GALNT11: variants seen among roughly 807,000 people sequenced by gnomAD.
GALNT11 encodes UDP-GalNAc:polypeptide N-acetylgalactosaminyltransferase 11.
A neutral mutation model predicts 72.7 loss-of-function variants in GALNT11; 47 were observed. The observed-to-expected ratio is 0.65, with a 90% CI of 0.51 to 0.82. The LOEUF (loss-of-function observed/expected upper bound fraction) is 0.82, where lower values mean the gene tolerates loss of function less well. GALNT11 is among the 40% of genes least tolerant of loss of function. GALNT11 has a pLI of 0.00. For missense variants in GALNT11, 677 were observed against 778.4 expected, an observed-to-expected ratio of 0.87 and a Z score of 1.55; for synonymous variants, 270 against 286.6, an observed-to-expected ratio of 0.94 and a Z score of 0.58.
chr7:152,110,471 G>A (rs1294434775), intron 6 of GALNT11, 57 bp from the exon 7 acceptor site: 2 of 1,210,954 alleles, frequency 1.7e-6, no homozygotes, highest in Non-Finnish European at 2.4e-6. Context: ...TTAAACAAAA[G>A]TAGTAGGTAA....
chr7:152,095,811 T>C (rs916063777), intron 2 of GALNT11, among the ~76,000 whole-genome samples: 1 of 152,198 alleles, frequency 6.6e-6, no homozygotes, highest in Admixed American at 6.5e-5. Flanking sequence ...AGTGAGAGAA[T>C]TGTAGATATT....
chr7:152,033,984 G>T (rs557841949), intron 1 of GALNT11, among the ~76,000 whole-genome samples: 30 of 152,286 alleles, frequency 2.0e-4, no homozygotes, highest in African/African-American at 7.2e-4. Flanking sequence ...GACCATGTAG[G>T]ACATCTGTGT....
chr7:152,107,259 A>C (rs918765400), intron 5 of GALNT11: 11 of 152,142 alleles, frequency 7.2e-5, no homozygotes, highest in Admixed American at 5.2e-4. Context: ...AAAAAAAAAA[A>C]ACCTCAGTTC....
chr7:152,034,980 AC>A (rs2082491275), intron 1 of GALNT11, among the ~76,000 whole-genome samples: 1 of 151,992 alleles, frequency 6.6e-6, no homozygotes, highest in Non-Finnish European at 1.5e-5. Flanking sequence ...TTGGGACTTT[AC>A]CCCTCCTGTA....
intron 1 of GALNT11, among the ~76,000 whole-genome samples, chr7:152,077,443 CT>C (rs2085054234): frequency 6.6e-6 from 1 of 151,956 alleles, no homozygotes; most frequent in African/African-American, 2.4e-5. Flanking sequence ...GAAACAAAAA[CT>C]GGAGTCTAGA....
At chr7:152,027,138 A>G (rs1345123971) in intron 1 of GALNT11, among the ~76,000 whole-genome samples, 1 of 152,100 alleles carries the variant, frequency 6.6e-6, no homozygotes, top group Non-Finnish European at 1.5e-5. Context: ...AATCCCAGCT[A>G]CTTGGGAGGC....
At chr7:152,076,541 T>C (rs183922608) in intron 1 of GALNT11, among the ~76,000 whole-genome samples, 1 of 152,334 alleles carries the variant, frequency 6.6e-6, no homozygotes, top group East Asian at 1.9e-4. Flanking sequence ...GTCAGAGTTG[T>C]GATTTTTCCA....
intron 1 of GALNT11, among the ~76,000 whole-genome samples, chr7:152,076,064 A>C (rs76789764): frequency 4.0e-5 from 1 of 25,252 alleles, no homozygotes; most frequent in Non-Finnish European, 1.1e-4. Flanking sequence ...TCCGTCTCAA[A>C]AAAAAAAAAA....
Position 152,094,578 on chromosome 7 carries a change from T to G in GALNT11, c.295+56T>G. 1 of 1,502,368 alleles carries G rather than the reference T, an allele frequency of 6.7e-7. No individual in the cohort carries two copies. The highest frequency in any genetic ancestry group is 2.3e-5 in the East Asian group (1 of 43,624). The allele number at this position is 1,502,368 out of a possible 1,614,324, so 93.1% of individuals were successfully genotyped here. A position where few individuals can be genotyped will look rare whatever the true frequency, so the allele number is the denominator to read the frequency against. On this transcript the variant is annotated intron_variant, in intron 2 of 11. Coordinates refer to ENST00000430044, the MANE Select transcript of GALNT11 (RefSeq NM_022087.4). This position sits in a 1 kb window ranked among gnomAD's most constrained non-coding sequence, Gnocchi z 4.3. ...TCAATGTATTTAATCACTGGAAGTT[T>G]GATTAATTAGTTAATTAGGAGATCA... is the stretch of plus-strand genomic sequence containing the variant.
chr7:152,054,060 T>A (rs1399863676), intron 1 of GALNT11, among the ~76,000 whole-genome samples: 3 of 152,172 alleles, frequency 2.0e-5, no homozygotes, highest in African/African-American at 7.2e-5. Flanking sequence ...ATATACTTGT[T>A]CCATTAATCT....
chr7:152,075,923 G>T (rs183137320), intron 1 of GALNT11, among the ~76,000 whole-genome samples: 2 of 151,824 alleles, frequency 1.3e-5, no homozygotes, highest in East Asian at 3.9e-4. Flanking sequence ...TTAGCTGGCC[G>T]TGGTGGCGGA....
chr7:152,069,984 C>CT (rs1379209362), intron 1 of GALNT11, among the ~76,000 whole-genome samples: 1 of 148,446 alleles, frequency 6.7e-6, no homozygotes. Context: ...TTTCTTTTTT[C>CT]TTTTTTCTTT....
At chr7:152,062,081 C>T (rs1227625836) in intron 1 of GALNT11, among the ~76,000 whole-genome samples, 6 of 152,140 alleles carry the variant, frequency 3.9e-5, no homozygotes, top group South Asian at 2.1e-4. Context: ...GCCATTTTCA[C>T]GATATTGATT....
At chr7:152,113,712 CTTTTTTTT>C (rs6150397) in intron 8 of GALNT11, among the ~76,000 whole-genome samples, 17 of 97,006 alleles carry the variant, frequency 1.8e-4, no homozygotes, top group Non-Finnish European at 2.6e-4. Context: ...AGTTGGCTTT[CTTTTTTTT>C]TTTTTTTTTT....
chr7:152,042,425 C>A (rs915010312), intron 1 of GALNT11, among the ~76,000 whole-genome samples: 1 of 152,140 alleles, frequency 6.6e-6, no homozygotes. Context: ...CTATGTGTCC[C>A]TTTTTTAATT....
rs2087784979 is a variant in GALNT11 at position 152,108,102 on chromosome 7, G to A, written c.777G>A (p.Leu259=). 1 of 1,614,042 alleles carries A rather than the reference G, an allele frequency of 6.2e-7. No individual in the cohort carries two copies. Reference sequence around the variant, plus strand: ...ATGTGATGTGGCTGCAGCCCTTGCTGGCCGCCATCCGTGAGGACCGGCACA... The same window carrying A: ...ATGTGATGTGGCTGCAGCCCTTGCTAGCCGCCATCCGTGAGGACCGGCACA... ...EVNVMWLQPL[L]AAIREDRHTV... The change falls in exon 6 of 12, where the codon CTG becomes CTA. Residue 259 remains leucine (L), a synonymous_variant. Transcript: ENST00000430044.
rs767183554 is a variant in GALNT11, at chr7:152,094,379, C to T, written c.152C>T (p.Ser51Phe). ...PVKGSGPHGPSPKKFYPRFTR... is the reference protein window; with the variant it reads ...PVKGSGPHGPFPKKFYPRFTR... ...AAGGGGTCTGGGCCCCACGGACCAT[C>T]TCCAAAAAAATTCTATCCCCGTTTC... The change falls in exon 2 of 12, where the codon TCT (serine) becomes TTT (phenylalanine). Residue 51 changes from serine to phenylalanine, a missense_variant. Transcript: ENST00000430044. The surrounding 1 kb of genome is among the most constrained non-coding windows in gnomAD (Gnocchi z 4.3). 6 of 1,614,168 alleles carry T rather than the reference C, an allele frequency of 3.7e-6. No homozygotes were observed. The highest frequency in any genetic ancestry group is 5.1e-6 in the Non-Finnish European group (6 of 1,180,042).
In GALNT11 at chr7:152,094,643, T is replaced by TG; in HGVS notation, c.295+121_295+122insG. Reference sequence around the variant, plus strand: ...TTTTTTCCCCACTGATTTATTTTGTTTGTGAACTACCTGAAGTTCTGTGGT... The same window carrying TG: ...TTTTTTCCCCACTGATTTATTTTGTTGTGTGAACTACCTGAAGTTCTGTGGT... On this transcript the variant is annotated intron_variant, in intron 2 of 11. Transcript: ENST00000430044. This position sits in a 1 kb window ranked among gnomAD's most constrained non-coding sequence, Gnocchi z 4.3. 13 of 1,152,364 alleles carry TG rather than the reference T, an allele frequency of 1.1e-5. No homozygotes were observed. The highest frequency in any genetic ancestry group is 1.4e-5 in the Non-Finnish European group (12 of 837,698). 71.4% of individuals were successfully genotyped at this position (1,152,364 alleles called of 1,614,324 possible).
At position 152,107,903 on chromosome 7, in the gene GALNT11, C is replaced by T. The variant is rs1001964158; in HGVS notation, c.713-135C>T. ...CCACCGGCAGTGAAGTGTAGTGGAGCAGTTAGGCCGTCTGGGGCTGGGAGG... is the reference window on the plus strand; with the variant it reads ...CCACCGGCAGTGAAGTGTAGTGGAGTAGTTAGGCCGTCTGGGGCTGGGAGG... On this transcript the variant is annotated intron_variant, in intron 5 of 11. Transcript: ENST00000430044. The T allele has an allele frequency of 8.3e-5, 80 of 969,332 alleles. No homozygotes were observed. The Middle Eastern group carries it at 1.0e-3, about 12-fold the overall frequency. The allele number at this position is 969,332 out of a possible 1,614,324, so 60.0% of individuals were successfully genotyped here.
Sources: allele counts gnomAD v4.1 joint callset (sites outside exome capture counted in the v4.1 genomes callset), GRCh38; gene constraint gnomAD v4.1.1; non-coding constraint Gnocchi (gnomAD v3.1); transcripts MANE v1.5; gene names NCBI Gene and HGNC (gene_info 2026-07-23, HGNC 2026-07-21).